ABCC8: variants seen among roughly 807,000 people sequenced by gnomAD.
ABCC8 encodes ATP binding cassette subfamily C member 8.
ABCC8 carries 137 observed loss-of-function variants against 188.0 expected under a neutral mutation model. The ratio of observed to expected loss-of-function variants is 0.73; its 90% confidence interval spans 0.63 to 0.84. The LOEUF is 0.84. ABCC8 is among the 40% of genes least tolerant of loss of function. The pLI is 0.00. For missense variants in ABCC8, 1,750 were observed against 2,072.7 expected (o/e 0.84, Z 3.02); for synonymous variants, 797 against 846.5 (o/e 0.94, Z 1.01).
intron 20 of ABCC8, 152 bp from the exon 21 acceptor site, chr11:17,412,898 G>T: frequency 1.3e-6 from 2 of 1,484,362 alleles, no homozygotes; most frequent in Non-Finnish European, 1.8e-6. Context: ...GAACTTGCAC[G>T]TGTTTACTGA....
At chr11:17,426,927 A>G in intron 16 of ABCC8, 122 bp downstream of exon 16, 1 of 1,133,164 alleles carries the variant, frequency 8.8e-7, no homozygotes, top group Non-Finnish European at 1.2e-6. Context: ...CATTAGCAGC[A>G]TTTATTGAGT....
intron 17 of ABCC8, among the ~76,000 whole-genome samples, chr11:17,415,684 AG>A (rs1955037279): frequency 6.6e-6 from 1 of 152,222 alleles, no homozygotes; most frequent in Non-Finnish European, 1.5e-5. Context: ...CTCTGCATTC[AG>A]GTTGGAATGA....
rs1440129874 is a variant in ABCC8, at chr11:17,422,353, C to T, written c.2222+4696G>A. Among the ~76,000 whole-genome samples, 3 of 152,150 alleles carry T rather than the reference C, an allele frequency of 2.0e-5. No individual in the cohort carries two copies. The East Asian group carries it at 5.8e-4, about 29-fold the overall frequency. On this transcript the variant is annotated intron_variant, in intron 16 of 38. Coordinates refer to ENST00000389817, the MANE Select transcript of ABCC8 (RefSeq NM_000352.6). ...TCTTTTCTTTTTCTCTCTCCCCAGT[C>T]CATCATCCTTTGTCATAAGCATGAT...
chr11:17,407,512 G>C, intron 23 of ABCC8, 59 bp from the exon 24 acceptor site: 3 of 1,611,392 alleles, frequency 1.9e-6, no homozygotes, highest in Non-Finnish European at 2.5e-6. Flanking sequence ...TGGGGGAAGG[G>C]GAAGTTAAGG....
chr11:17,432,431 C>T (rs376501920), intron 10 of ABCC8, 187 bp from the exon 11 acceptor site: 3 of 1,304,514 alleles, frequency 2.3e-6, no homozygotes, highest in African/African-American at 1.5e-5. Flanking sequence ...CCTCAGGACT[C>T]TTGTCCCAGG....
At chr11:17,394,674 C>T (rs964793392) in intron 36 of ABCC8, among the ~76,000 whole-genome samples, 1 of 152,116 alleles carries the variant, frequency 6.6e-6, no homozygotes, top group Non-Finnish European at 1.5e-5. Context: ...GAGGGGTGCA[C>T]TGAGTGTGTA....
chr11:17,428,774 G>A (rs933293602), intron 12 of ABCC8, 104 bp from the exon 13 acceptor site: 22 of 1,552,992 alleles, frequency 1.4e-5, no homozygotes, highest in Non-Finnish European at 1.8e-5. Flanking sequence ...CAGGCCTGAA[G>A]TATAGTCCCA....
chr11:17,446,452 A>AG (rs1337780835), intron 8 of ABCC8, among the ~76,000 whole-genome samples: 1 of 152,018 alleles, frequency 6.6e-6, no homozygotes, highest in East Asian at 1.9e-4. Flanking sequence ...TTCAAAAAAA[A>AG]AATTGTGTTA....
At chr11:17,433,324 C>T (rs1040891883) in intron 10 of ABCC8, among the ~76,000 whole-genome samples, 3 of 152,228 alleles carry the variant, frequency 2.0e-5, no homozygotes, top group African/African-American at 4.8e-5. Flanking sequence ...AGCAGAGGGA[C>T]CAGGAGTCAG....
intron 2 of ABCC8, 195 bp from the exon 3 acceptor site, chr11:17,470,417 A>G (rs1848417434): frequency 2.5e-6 from 1 of 402,050 alleles, no homozygotes; most frequent in African/African-American, 2.2e-5. Context: ...AGAGCTGGGT[A>G]TATGATCTGG....
intron 7 of ABCC8, among the ~76,000 whole-genome samples, 160 bp downstream of exon 7, chr11:17,452,959 C>A (rs1348331402): frequency 6.6e-6 from 1 of 152,202 alleles, no homozygotes; most frequent in African/African-American, 2.4e-5. Context: ...TCCCACACTG[C>A]CTTGTCAATG....
In ABCC8 at chr11:17,442,708, G is replaced by C. The variant is rs1218031623; in HGVS notation, c.1630+12C>G. On this transcript the variant is annotated intron_variant, in intron 10 of 38. Coordinates refer to ENST00000389817, the MANE Select transcript of ABCC8 (RefSeq NM_000352.6). ...AGCAGCACCCAGGGCTGGCTGTGTG[G>C]GGTGAACTCACTGGAGATGGAGGTA... is the stretch of plus-strand genomic sequence containing the variant. 1 of 1,612,766 alleles carries C rather than the reference G, an allele frequency of 6.2e-7. No homozygotes were observed. The highest frequency in any genetic ancestry group is 1.3e-5 in the African/African-American group (1 of 75,014).
intron 1 of ABCC8, among the ~76,000 whole-genome samples, chr11:17,475,279 A>T (rs1319705311): frequency 6.6e-6 from 1 of 152,214 alleles, no homozygotes; most frequent in African/African-American, 2.4e-5. Flanking sequence ...GTGCAGTGCC[A>T]CGATCACGGC....
intron 20 of ABCC8, chr11:17,413,041 C>T: frequency 6.3e-6 from 4 of 634,946 alleles, no homozygotes; most frequent in Non-Finnish European, 1.1e-5. Context: ...AGGACAGTCA[C>T]AGGAGAATCC....
intron 30 of ABCC8, among the ~76,000 whole-genome samples, 196 bp downstream of exon 30, chr11:17,398,143 A>G (rs915202543): frequency 6.6e-6 from 1 of 152,172 alleles, no homozygotes; most frequent in African/African-American, 2.4e-5. Flanking sequence ...CAGATACACA[A>G]GCCTCCAGGC....
chr11:17,394,244 C>T, intron 37 of ABCC8, 22 bp downstream of exon 37: 4 of 1,612,080 alleles, frequency 2.5e-6, no homozygotes, highest in Non-Finnish European at 3.4e-6. Flanking sequence ...ACCATGGTCC[C>T]ATGGAGGGGC....
rs1273503048 is a variant in ABCC8, at chr11:17,393,767, G to A, written c.4546-8C>T. On this transcript the variant is annotated splice_region_variant and splice_polypyrimidine_tract_variant and intron_variant, in intron 37 of 38. Coordinates refer to ENST00000389817, the MANE Select transcript of ABCC8 (RefSeq NM_000352.6). The stretch of plus-strand genomic sequence containing the variant: ...CTTTTGGAGGATGTTTTCCTGCCAA[G>A]TGGGGGCAACAGCTGTTGGCTCACC... 7 of 1,613,994 alleles carry A rather than the reference G, an allele frequency of 4.3e-6. No individual in the cohort carries two copies. In the East Asian group the frequency reaches 1.1e-4, roughly 26 times the overall value.
At chr11:17,415,477 C>T in intron 17 of ABCC8, 138 bp from the exon 18 acceptor site, 1 of 1,527,276 alleles carries the variant, frequency 6.5e-7, no homozygotes, top group Non-Finnish European at 8.8e-7. Context: ...ACAAATGCTG[C>T]ATAGAGAGGT....
chr11:17,428,630 G>A lies in ABCC8; in HGVS notation c.1858C>T (p.Arg620Cys), dbSNP rs58241708. ...LSEFLSSAEI[R>C]EEQCAPHEPT... ...TCATGGGGGGCACACTGCTCCTCAC[G>A]GATCTCTGCACTGGACAGGAACTCG... The change falls in exon 13 of 39, where the codon CGT becomes TGT. Residue 620 changes from arginine (R) to cysteine (C), a missense_variant. Coordinates refer to ENST00000389817, the MANE Select transcript of ABCC8 (RefSeq NM_000352.6). The A allele has an allele frequency of 5.0e-4, 801 of 1,613,976 alleles. 5 individuals carry two copies. The African/African-American group carries it at 9.2e-3, about 19-fold the overall frequency.
Sources: gnomAD v4.1 joint callset for allele counts (sites outside exome capture counted in the v4.1 genomes callset) on GRCh38, gnomAD v4.1.1 for gene constraint, MANE v1.5 for transcripts, NCBI Gene and HGNC (gene_info 2026-07-23, HGNC 2026-07-21) for gene names.